Variants in SPATA13 observed in about 807,000 individuals in gnomAD.
SPATA13 encodes spermatogenesis associated 13, also known as spermatogenesis-associated protein 13.
Under a neutral mutation model 104.0 loss-of-function variants are expected in SPATA13, and 50 were observed. That is an observed-to-expected ratio of 0.48 (90% CI 0.38 to 0.61). The LOEUF (loss-of-function observed/expected upper bound fraction) is 0.61, where lower values mean the gene tolerates loss of function less well. Ranked by LOEUF, SPATA13 falls within the 20% of genes least tolerant of loss-of-function variation. The pLI, the probability that SPATA13 is intolerant of heterozygous loss-of-function variation, is 0.00. For missense variants in SPATA13, 1,524 were observed against 1,690.6 expected, an observed-to-expected ratio of 0.90 and a Z score of 1.73; for synonymous variants, 606 against 667.5, an observed-to-expected ratio of 0.91 and a Z score of 1.42.
At chr13:24,142,800 CT>C (rs1881806612) in intron 3 of SPATA13, among the ~76,000 whole-genome samples, 1 of 152,100 alleles carries the variant, frequency 6.6e-6, no homozygotes, top group African/African-American at 2.4e-5. Context: ...ACTCAAAAAG[CT>C]TAGGCATTTG....
At chr13:24,122,239 A>T in intron 3 of SPATA13, 1 of 1,336,822 alleles carries the variant, frequency 7.5e-7, no homozygotes, top group Non-Finnish European at 1.1e-6. Context: ...AAAGATGGTG[A>T]GTCAGAGCCT....
chr13:24,163,289 G>A (rs1217142148), intron 1 of SPATA13, among the ~76,000 whole-genome samples: 1 of 152,150 alleles, frequency 6.6e-6, no homozygotes, highest in Non-Finnish European at 1.5e-5. Flanking sequence ...GTAGTCCAAG[G>A]TGCTCAGGAG....
rs191357895 is a variant in SPATA13 at position 24,192,236 on chromosome 13, C to T, written c.-111-30583C>T. Among the ~76,000 whole-genome samples, 52 of 152,262 alleles carry T rather than the reference C, an allele frequency of 3.4e-4. 1 individual carries two copies. The East Asian group carries it at 5.2e-3, about 15-fold the overall frequency. On this transcript the variant is annotated intron_variant, in intron 1 of 12. Transcript: ENST00000382108. ...AGGAGATTCACCAGGGACCCCCCTC[C>T]CCCCACACCTTATCTGCCTAAGCAT...
intron 1 of SPATA13, among the ~76,000 whole-genome samples, chr13:24,190,670 A>G (rs978497722): frequency 6.6e-6 from 1 of 152,046 alleles, no homozygotes; most frequent in African/African-American, 2.4e-5. Context: ...AAGTGCTGCA[A>G]TCTCATGATA....
rs568974918 is a variant in SPATA13, at chr13:24,113,676, C to T, written c.-112+95975C>T. On this transcript the variant is annotated intron_variant, in intron 3 of 14. Coordinates refer to the SPATA13 transcript ENST00000424834. ...CACGAGGTCAGGAGATCCAGACCAT[C>T]CTGGCCAACATGGTGAAACCCCATC... Among the ~76,000 whole-genome samples, 377 of 151,878 alleles carry T rather than the reference C, an allele frequency of 2.5e-3. 3 individuals carry two copies. Among genetic ancestry groups the T allele is most frequent in the African/African-American group, 8.9e-3 (370 of 41,412 alleles).
Position 24,279,468 on chromosome 13 carries a change from T to C in SPATA13, c.2165-4667T>C, listed in dbSNP as rs1209316287. Among the ~76,000 whole-genome samples the C allele has an allele frequency of 2.0e-5, 3 of 151,706 alleles. No homozygotes were observed. The East Asian group carries it at 5.8e-4, about 30-fold the overall frequency. On this transcript the variant is annotated intron_variant, in intron 4 of 12. Coordinates refer to ENST00000382108, the MANE Select transcript of SPATA13 (RefSeq NM_001166271.3). ...AGCTATGGCCTGCCGGGGGCAGGGGTGGCAGCAGGGAGACCAGGAGGGGCT... is the reference window on the plus strand; with the variant it reads ...AGCTATGGCCTGCCGGGGGCAGGGGCGGCAGCAGGGAGACCAGGAGGGGCT...
intron 2 of SPATA13, among the ~76,000 whole-genome samples, chr13:24,247,548 C>T (rs1282536708): frequency 3.9e-5 from 5 of 128,004 alleles, no homozygotes; most frequent in Non-Finnish European, 7.8e-5. Flanking sequence ...GGTGCAATTT[C>T]AGCCCACTGC....
At chr13:24,246,853 C>T (rs1188525531) in intron 2 of SPATA13, among the ~76,000 whole-genome samples, 1 of 151,588 alleles carries the variant, frequency 6.6e-6, no homozygotes, top group Non-Finnish European at 1.5e-5. Context: ...CAGAGTACGA[C>T]TCCATCTCAA....
At chr13:24,003,775 T>C (rs1363645040) in intron 2 of SPATA13, among the ~76,000 whole-genome samples, 2 of 152,242 alleles carry the variant, frequency 1.3e-5, no homozygotes, top group East Asian at 3.8e-4. Context: ...TTATCCATTA[T>C]AGTAATGATT....
At position 24,103,504 on chromosome 13, in the gene SPATA13, A is replaced by AAAAAAAAAAAG. The variant is rs1458068316; in HGVS notation, c.-112+85804_-112+85805insAAAAAAAAAGA. The stretch of plus-strand genomic sequence containing the variant: ...TGTCTCAAAAAAAAAAAAAAAAAAC[A>AAAAAAAAAAAG]AGAAAGAAAAGAGCAGGGGAGGAGA... On this transcript the variant is annotated intron_variant, in intron 3 of 14. Coordinates refer to the SPATA13 transcript ENST00000424834. Among the ~76,000 whole-genome samples the AAAAAAAAAAAG allele has an allele frequency of 3.5e-3, 406 of 115,502 alleles. 20 individuals carry two copies. Among genetic ancestry groups the AAAAAAAAAAAG allele is most frequent in the Middle Eastern group, 5.4e-3 (1 of 184 alleles). The allele number at this position is 115,502 out of a possible 152,430, so 75.8% of individuals were successfully genotyped here. A position where few individuals can be genotyped will look rare whatever the true frequency, so the allele number is the denominator to read the frequency against.
chr13:24,190,368 TAATATATAATATTATA>T lies in SPATA13; in HGVS notation c.-112+29437_-112+29452del, dbSNP rs1869652004. Among the ~76,000 whole-genome samples the T allele has an allele frequency of 2.6e-5, 2 of 78,158 alleles. 1 individual carries two copies. Among genetic ancestry groups the T allele is most frequent in the African/African-American group, 7.7e-5 (2 of 26,072 alleles). 51.3% of individuals were successfully genotyped at this position (78,158 alleles called of 152,430 possible). Reference sequence around the variant, plus strand: ...ATATAATATTATATATTATTATATATAATATATAATATTATATATATAATAAGGCTGTAGTTACCAT... The same window carrying T: ...ATATAATATTATATATTATTATATATTATATAATAAGGCTGTAGTTACCAT... On this transcript the variant is annotated intron_variant, in intron 1 of 12. Transcript: ENST00000382108.
At chr13:23,989,370 C>T (rs1451577814) in intron 2 of SPATA13, among the ~76,000 whole-genome samples, 2 of 151,266 alleles carry the variant, frequency 1.3e-5, no homozygotes, top group Non-Finnish European at 2.9e-5. Context: ...TGCAATGAGC[C>T]GAGATCACGC....
intron 11 of SPATA13, 73 bp from the exon 12 acceptor site, chr13:24,300,328 G>A: frequency 8.6e-7 from 1 of 1,169,162 alleles, no homozygotes; most frequent in South Asian, 1.4e-5. Context: ...GCTGATATGG[G>A]CTGTGATACA....
At chr13:24,246,815 A>G (rs751978269) in intron 2 of SPATA13, among the ~76,000 whole-genome samples, 3 of 151,648 alleles carry the variant, frequency 2.0e-5, no homozygotes, top group African/African-American at 7.3e-5. Flanking sequence ...GTGAGCCGAG[A>G]TCACACCACT....
intron 4 of SPATA13, among the ~76,000 whole-genome samples, chr13:24,253,350 CTCTT>C (rs1873607304): frequency 6.6e-6 from 1 of 152,208 alleles, no homozygotes; most frequent in East Asian, 1.9e-4. Context: ...AACCCTCTCT[CTCTT>C]CCCTAGAAGG....
intron 7 of SPATA13, among the ~76,000 whole-genome samples, chr13:24,287,249 C>T (rs1436416374): frequency 6.6e-6 from 1 of 152,162 alleles, no homozygotes; most frequent in Non-Finnish European, 1.5e-5. Context: ...CAGCCTCAAA[C>T]TCCTGGGCTT....
At chr13:24,237,255 G>A (rs1872616366) in intron 2 of SPATA13, among the ~76,000 whole-genome samples, 1 of 151,994 alleles carries the variant, frequency 6.6e-6, no homozygotes, top group Non-Finnish European at 1.5e-5. Context: ...TACTCAGGAG[G>A]TGGAGGCTGA....
At chr13:24,023,507 G>A (rs1226404472) in intron 3 of SPATA13, among the ~76,000 whole-genome samples, 1 of 152,176 alleles carries the variant, frequency 6.6e-6, no homozygotes, top group Non-Finnish European at 1.5e-5. Flanking sequence ...CCTATTCCCT[G>A]GCATTTGTGA....
intron 11 of SPATA13, 92 bp from the exon 12 acceptor site, chr13:24,300,309 A>G: frequency 1.1e-6 from 1 of 926,800 alleles, no homozygotes; most frequent in African/African-American, 1.7e-5. Context: ...TTGTGGTGAT[A>G]ACCTCAATGC....
Sources: allele counts gnomAD v4.1 joint callset (sites outside exome capture counted in the v4.1 genomes callset), GRCh38; gene constraint gnomAD v4.1.1; transcripts MANE v1.5; gene names NCBI Gene and HGNC (gene_info 2026-07-23, HGNC 2026-07-21).